RBFOX1: variants seen among roughly 807,000 people sequenced by gnomAD.
RBFOX1 encodes the protein RNA binding protein fox-1 homolog 1.
RBFOX1 carries 8 observed loss-of-function variants against 57.7 expected under a neutral mutation model. That is an observed-to-expected ratio of 0.14 (90% CI 0.08 to 0.25). RBFOX1 has a LOEUF of 0.25. Ranked by LOEUF, RBFOX1 falls within the 10% of genes least tolerant of loss-of-function variation. The pLI is 1.00. For synonymous variants in RBFOX1, 326 were observed against 222.4 expected (o/e 1.47, Z -4.15); for missense variants, 611 against 548.5 (o/e 1.11, Z -1.14).
chr16:5,577,693 C>T (rs2151147977), intron 2 of RBFOX1, among the ~76,000 whole-genome samples: 2 of 152,284 alleles, frequency 1.3e-5, no homozygotes, highest in South Asian at 4.2e-4. Flanking sequence ...CTGTACATTA[C>T]ATCATAGCCC....
intron 5 of RBFOX1, among the ~76,000 whole-genome samples, chr16:7,539,852 G>A (rs2082444276): frequency 1.3e-5 from 2 of 152,196 alleles, no homozygotes; most frequent in East Asian, 3.9e-4. Context: ...TAGATGAGAA[G>A]AGACAAAAAG....
intron 3 of RBFOX1, among the ~76,000 whole-genome samples, chr16:6,900,485 A>G (rs1281157933): frequency 6.6e-6 from 1 of 152,216 alleles, no homozygotes; most frequent in Non-Finnish European, 1.5e-5. Flanking sequence ...GGATGAAAGC[A>G]AACACGATTG....
At chr16:6,524,881 C>T (rs1393070296) in intron 2 of RBFOX1, among the ~76,000 whole-genome samples, 1 of 152,142 alleles carries the variant, frequency 6.6e-6, no homozygotes, top group African/African-American at 2.4e-5. Context: ...TTTATAAGGA[C>T]ACCATTCCCT....
chr16:6,306,852 A>T (rs2079569407), intron 1 of RBFOX1, among the ~76,000 whole-genome samples: 1 of 152,084 alleles, frequency 6.6e-6, no homozygotes, highest in South Asian at 2.1e-4. Context: ...CAGACCCCCC[A>T]AAACTCCCCC....
At chr16:5,335,856 C>G (rs575446025) in intron 1 of RBFOX1, among the ~76,000 whole-genome samples, 1 of 152,014 alleles carries the variant, frequency 6.6e-6, no homozygotes, top group Non-Finnish European at 1.5e-5. Flanking sequence ...CTCAGACTGC[C>G]GACTCTTTGG....
At chr16:6,579,262 G>C (rs1356404205) in intron 2 of RBFOX1, among the ~76,000 whole-genome samples, 1 of 152,010 alleles carries the variant, frequency 6.6e-6, no homozygotes, top group East Asian at 1.9e-4. Context: ...GGAGTGTAGT[G>C]GTTCAGTTAT....
chr16:5,678,721 C>T (rs1181428716), intron 3 of RBFOX1, among the ~76,000 whole-genome samples: 1 of 152,178 alleles, frequency 6.6e-6, no homozygotes, highest in East Asian at 1.9e-4. Context: ...ACAAATGGTA[C>T]ATGGAGTTTG....
In RBFOX1 at chr16:5,260,367, C is replaced by G. The variant is rs1596326923; in HGVS notation, c.219+20262C>G. 2.6e-5 allele frequency among the ~76,000 whole-genome samples: 4 copies of G among 151,996 alleles called. No individual in the cohort carries two copies. In the East Asian group the frequency reaches 7.7e-4, roughly 29 times the overall value. On this transcript the variant is annotated intron_variant, in intron 1 of 2. Coordinates refer to the RBFOX1 transcript ENST00000585867. The stretch of plus-strand genomic sequence containing the variant: ...AGTGAGCAGCATTCCTTGCTATGCA[C>G]AAAGATGGCTAGAGACATGAAGAGA...
intron 3 of RBFOX1, among the ~76,000 whole-genome samples, chr16:6,768,198 A>C (rs1452811248): frequency 2.6e-5 from 4 of 152,066 alleles, no homozygotes; most frequent in Admixed American, 6.6e-5. Context: ...CTCCATCTCA[A>C]AAAACAAAAC....
At chr16:6,821,387 T>A (rs952050746) in intron 3 of RBFOX1, among the ~76,000 whole-genome samples, 5 of 152,192 alleles carry the variant, frequency 3.3e-5, no homozygotes, top group African/African-American at 1.2e-4. Flanking sequence ...TTTTAAAAAA[T>A]TTCATTGAGG....
At chr16:6,049,537 AT>A (rs2095530801) in intron 1 of RBFOX1, among the ~76,000 whole-genome samples, 1 of 152,144 alleles carries the variant, frequency 6.6e-6, no homozygotes, top group Non-Finnish European at 1.5e-5. Context: ...TTTCTTAAAT[AT>A]TTCAGGTTGC....
chr16:6,674,088 A>C (rs1014048769), intron 3 of RBFOX1, among the ~76,000 whole-genome samples: 6 of 152,200 alleles, frequency 3.9e-5, no homozygotes, highest in African/African-American at 1.2e-4. Flanking sequence ...TCTTGGTTCT[A>C]ATAGAAACAC....
At chr16:5,248,401 A>C (rs1359212839) in intron 1 of RBFOX1, among the ~76,000 whole-genome samples, 1 of 152,354 alleles carries the variant, frequency 6.6e-6, no homozygotes, top group East Asian at 1.9e-4. Context: ...CCTGACTGCC[A>C]GCCCAGATCC....
chr16:7,418,732 T>C (rs568114195), intron 4 of RBFOX1, among the ~76,000 whole-genome samples: 2 of 152,106 alleles, frequency 1.3e-5, no homozygotes, highest in African/African-American at 2.4e-5. Flanking sequence ...ACTAATACTT[T>C]ATGGTCTTAT....
chr16:5,971,641 T>G (rs2059963626), intron 4 of RBFOX1, among the ~76,000 whole-genome samples: 1 of 152,114 alleles, frequency 6.6e-6, no homozygotes, highest in African/African-American at 2.4e-5. Flanking sequence ...CCCTTAGCAG[T>G]AAAATGAGGA....
intron 4 of RBFOX1, chr16:7,509,974 T>TTG: frequency 5.6e-6 from 1 of 179,950 alleles, no homozygotes; most frequent in African/African-American, 2.4e-5. Flanking sequence ...GGGTTTTTTT[T>TTG]TTTTTTCCCT....
chr16:6,940,789 T>C (rs998027058), intron 3 of RBFOX1, among the ~76,000 whole-genome samples: 1 of 148,980 alleles, frequency 6.7e-6, no homozygotes, highest in Non-Finnish European at 1.5e-5. Context: ...TGTGTGTGTG[T>C]GTGTGTGTGT....
chr16:6,923,022 G>T (rs947466747), intron 3 of RBFOX1, among the ~76,000 whole-genome samples: 2 of 152,186 alleles, frequency 1.3e-5, no homozygotes, highest in Admixed American at 6.5e-5. Flanking sequence ...CAGTGTATAA[G>T]CAAACCATAG....
intron 12 of RBFOX1, among the ~76,000 whole-genome samples, chr16:7,654,574 C>T (rs770377080): frequency 6.6e-6 from 1 of 152,136 alleles, no homozygotes; most frequent in Non-Finnish European, 1.5e-5. Context: ...CCAATTTGGT[C>T]CTTCTCTGCA....
Sources: gnomAD v4.1 joint callset for allele counts (sites outside exome capture counted in the v4.1 genomes callset) on GRCh38, gnomAD v4.1.1 for gene constraint, MANE v1.5 for transcripts, NCBI Gene and HGNC (gene_info 2026-07-23, HGNC 2026-07-21) for gene names.